Variants in FMNL1 observed in about 807,000 individuals in gnomAD.
FMNL1 encodes formin like 1.
FMNL1 carries 43 observed loss-of-function variants against 121.3 expected under a neutral mutation model. The ratio of observed to expected loss-of-function variants is 0.35; its 90% CI spans 0.28 to 0.46. The LOEUF (loss-of-function observed/expected upper bound fraction) is 0.46, where lower values mean the gene tolerates loss of function less well. Among genes scored for constraint, FMNL1 ranks in the 20% least tolerant of loss-of-function variants. The probability of loss-of-function intolerance (pLI) is 1.00; values close to 1 mark genes in which losing one functional copy is unlikely to be tolerated. For missense variants in FMNL1, 1,191 were observed against 1,482.4 expected (o/e 0.80, Z 3.23); for synonymous variants, 613 against 613.5 (o/e 1.00, Z 0.01).
chr17:45,244,369 G>A, intron 19 of FMNL1, 125 bp downstream of exon 19: 1 of 1,250,558 alleles, frequency 8.0e-7, no homozygotes, highest in Non-Finnish European at 1.1e-6. Context: ...ATGCTGAGAA[G>A]GACAAATCTA....
chr17:45,233,128 G>T lies in FMNL1; in HGVS notation c.328-96G>T. 8.0e-7 allele frequency: 1 copy of T among 1,247,176 alleles called. No individual in the cohort carries two copies. The highest frequency in any genetic ancestry group is 1.3e-5 in the South Asian group (1 of 77,594). 77.3% of individuals were successfully genotyped at this position (1,247,176 alleles called of 1,614,324 possible). A position where few individuals can be genotyped will look rare whatever the true frequency, so the allele number is the denominator to read the frequency against. ...CATGAAAGGCCACTTGTGCCAGTTGGAGGAGGGTGGGCGCTGCTGCCTGCT... is the reference window on the plus strand; with the variant it reads ...CATGAAAGGCCACTTGTGCCAGTTGTAGGAGGGTGGGCGCTGCTGCCTGCT... On this transcript the variant is annotated intron_variant, in intron 3 of 26. Coordinates refer to ENST00000331495, the MANE Select transcript of FMNL1 (RefSeq NM_005892.4). The surrounding 1 kb of genome is among the most constrained non-coding windows in gnomAD (Gnocchi z 4.1).
At chr17:45,232,101 G>A (rs2043451613) in intron 2 of FMNL1, among the ~76,000 whole-genome samples, 1 of 152,148 alleles carries the variant, frequency 6.6e-6, no homozygotes, top group Non-Finnish European at 1.5e-5. Context: ...TTGAGCCCGG[G>A]AGTAGGAGGC....
chr17:45,228,066 G>C (rs913480785), intron 1 of FMNL1, among the ~76,000 whole-genome samples: 15 of 152,266 alleles, frequency 9.9e-5, no homozygotes, highest in Non-Finnish European at 1.3e-4. Flanking sequence ...CCATGGTGCT[G>C]CTGCCTCGCT....
chr17:45,238,636 A>G lies in FMNL1; in HGVS notation c.967A>G (p.Met323Val). The G allele has an allele frequency of 6.2e-7, 1 of 1,614,182 alleles. No homozygotes were observed. Among genetic ancestry groups the G allele is most frequent in the Non-Finnish European group, 8.5e-7 (1 of 1,180,016 alleles). Residue 323 changes from methionine (M) to valine (V), a missense_variant and splice_region_variant, in exon 10 of 27, where the codon ATG (methionine) becomes GTG (valine). Physicochemically the swap from Met to Val is conservative, Grantham distance 21. Coordinates refer to ENST00000331495, the MANE Select transcript of FMNL1 (RefSeq NM_005892.4). ...FRNEDSNIDF[M>V]VACMQFINIV... Reference sequence around the variant, plus strand: ...GAATGAGGACAGCAACATCGACTTCATGGTGAGCTCAGGAGCCCAGCAGCC... The same window carrying G: ...GAATGAGGACAGCAACATCGACTTCGTGGTGAGCTCAGGAGCCCAGCAGCC...
At position 45,247,260 on chromosome 17, in the gene FMNL1, C is replaced by G; in HGVS notation, c.*402C>G. On this transcript the variant is annotated 3_prime_UTR_variant, in exon 27 of 27. Coordinates refer to ENST00000331495, the MANE Select transcript of FMNL1 (RefSeq NM_005892.4). ...TGCACCTCGCCCCCGCAAGCCCCAGCCCCGAGGACCGTCCATGGACCTTAT... is the reference window on the plus strand; with the variant it reads ...TGCACCTCGCCCCCGCAAGCCCCAGGCCCGAGGACCGTCCATGGACCTTAT... The G allele has an allele frequency of 2.2e-6, 1 of 450,852 alleles. No individual in the cohort carries two copies. The highest frequency in any genetic ancestry group is 4.0e-6 in the Non-Finnish European group (1 of 251,582). 27.9% of individuals were successfully genotyped at this position (450,852 alleles called of 1,614,324 possible). A position where few individuals can be genotyped will look rare whatever the true frequency, so the allele number is the denominator to read the frequency against.
At chr17:45,242,242 T>C in intron 15 of FMNL1, 96 bp downstream of exon 15, 1 of 1,573,840 alleles carries the variant, frequency 6.4e-7, no homozygotes, top group Non-Finnish European at 8.6e-7. Context: ...CCTGGGGGCC[T>C]CCTGCTGCCT....
At position 45,240,490 on chromosome 17, in the gene FMNL1, C is replaced by G. The variant is rs144023970; in HGVS notation, c.1095C>G (p.Thr365=). 1.2e-6 allele frequency: 2 copies of G among 1,612,702 alleles called. No individual in the cohort carries two copies. Among genetic ancestry groups the G allele is most frequent in the Non-Finnish European group, 1.7e-6 (2 of 1,179,284 alleles). The part of the protein sequence containing the change: ...LDLYLERLRL[T]ESDKLQVQIQ... ...CTGGGGGACAGAGGCTTCGGCTCACCGAGAGTGACAAGCTGCAGGTGCAGA... is the reference window on the plus strand; with the variant it reads ...CTGGGGGACAGAGGCTTCGGCTCACGGAGAGTGACAAGCTGCAGGTGCAGA... Residue 365 remains threonine, a synonymous_variant, in exon 12 of 27, where the codon ACC becomes ACG. Coordinates refer to ENST00000331495, the MANE Select transcript of FMNL1 (RefSeq NM_005892.4).
At position 45,242,432 on chromosome 17, in the gene FMNL1, C is replaced by G. The variant is rs140249788; in HGVS notation, c.1977C>G (p.Val659=). The G allele has an allele frequency of 1.2e-6, 2 of 1,614,120 alleles. No individual in the cohort carries two copies. Among genetic ancestry groups the G allele is most frequent in the African/African-American group, 2.7e-5 (2 of 75,068 alleles). Residue 659 remains valine, a synonymous_variant, in exon 16 of 27, where the codon GTC becomes GTG. Transcript: ENST00000331495. ...AACCCAGCCAGATCACCGGCACTGTCTTCACAGAGCTCAATGATGAGAAGG... is the reference window on the plus strand; with the variant it reads ...AACCCAGCCAGATCACCGGCACTGTGTTCACAGAGCTCAATGATGAGAAGG... ...ALKPSQITGT[V]FTELNDEKVL...
At chr17:45,224,657 T>TA (rs1462510838) in intron 1 of FMNL1, among the ~76,000 whole-genome samples, 2 of 152,198 alleles carry the variant, frequency 1.3e-5, no homozygotes, top group Non-Finnish European at 2.9e-5. Flanking sequence ...TGTCCCCACT[T>TA]ACAGCCAGAC....
In FMNL1 at chr17:45,241,379, T is replaced by C. The variant is rs1157101693; in HGVS notation, c.1333-3T>C. On this transcript the variant is annotated splice_region_variant and splice_polypyrimidine_tract_variant and intron_variant, in intron 13 of 26. Transcript: ENST00000331495. This position sits in a 1 kb window ranked among gnomAD's most constrained non-coding sequence, Gnocchi z 7.0. ...GCACTGACCCCTCCCGTGGGGTTCGTAGGAGCGCTTCAGCGAATCGACCGC... is the reference window on the plus strand; with the variant it reads ...GCACTGACCCCTCCCGTGGGGTTCGCAGGAGCGCTTCAGCGAATCGACCGC... The C allele has an allele frequency of 1.3e-6, 2 of 1,573,248 alleles. No individual in the cohort carries two copies. The highest frequency in any genetic ancestry group is 1.7e-6 in the Non-Finnish European group (2 of 1,160,040).
intron 17 of FMNL1, 69 bp from the exon 18 acceptor site, chr17:45,243,722 G>T: frequency 7.0e-7 from 1 of 1,426,680 alleles, no homozygotes; most frequent in Non-Finnish European, 9.7e-7. Flanking sequence ...ATCAAGGCAG[G>T]GGTAGCCCTG....
chr17:45,223,644 T>TGAGCA (rs1200977789), intron 1 of FMNL1, among the ~76,000 whole-genome samples: 1 of 152,084 alleles, frequency 6.6e-6, no homozygotes, highest in Non-Finnish European at 1.5e-5. Flanking sequence ...TGAGCTGAGC[T>TGAGCA]GAGCAGATGG....
At chr17:45,232,576 T>C (rs2043461535) in intron 3 of FMNL1, 96 bp downstream of exon 3, 1 of 1,080,718 alleles carries the variant, frequency 9.3e-7, no homozygotes, top group African/African-American at 1.6e-5. Context: ...TCTATGTGCG[T>C]GTGTGGGTGC....
In FMNL1 at chr17:45,241,965, C is replaced by T; in HGVS notation, c.1704C>T (p.Leu568=). ...CTGCGCCCCCACAGGCCCCGCCTCTCCCTGGCAGCCCGGAGCCCCCGCCTG... is the reference window on the plus strand; with the variant it reads ...CTGCGCCCCCACAGGCCCCGCCTCTTCCTGGCAGCCCGGAGCCCCCGCCTG... ...PPSAPPQAPP[L]PGSPEPPPAP... The change falls in exon 15 of 27, where the codon CTC becomes CTT. Residue 568 remains leucine, a synonymous_variant. Transcript: ENST00000331495. This position sits in a 1 kb window ranked among gnomAD's most constrained non-coding sequence, Gnocchi z 7.0. 1 of 1,330,990 alleles carries T rather than the reference C, an allele frequency of 7.5e-7. No homozygotes were observed. The highest frequency in any genetic ancestry group is 9.6e-7 in the Non-Finnish European group (1 of 1,044,116). 82.4% of individuals were successfully genotyped at this position (1,330,990 alleles called of 1,614,324 possible).
rs546485243 is a variant in FMNL1, at chr17:45,222,564, G to A, written c.129+311G>A. Among the ~76,000 whole-genome samples, 4 of 152,080 alleles carry A rather than the reference G, an allele frequency of 2.6e-5. No homozygotes were observed. The South Asian group carries it at 8.3e-4, about 32-fold the overall frequency. ...GAGCGGGGCACGCACAGGGGTCCCG[G>A]GTCGCCCCCTTCCCCACTGCACGCA... On this transcript the variant is annotated intron_variant, in intron 1 of 26. Transcript: ENST00000331495.
At position 45,241,670 on chromosome 17, in the gene FMNL1, C is replaced by T. The variant is rs2043699353; in HGVS notation, c.1585+36C>T. On this transcript the variant is annotated intron_variant, in intron 14 of 26. Coordinates refer to ENST00000331495, the MANE Select transcript of FMNL1 (RefSeq NM_005892.4). This position sits in a 1 kb window ranked among gnomAD's most constrained non-coding sequence, Gnocchi z 7.0. ...GCTTCAGGCTGGCGGGGATGCGGGG[C>T]AGGGTCTGGAGGGGAGCCCAGGGGC... 2 of 1,469,452 alleles carry T rather than the reference C, an allele frequency of 1.4e-6. No individual in the cohort carries two copies. Among genetic ancestry groups the T allele is most frequent in the East Asian group, 2.4e-5 (1 of 41,492 alleles). 91.0% of individuals were successfully genotyped at this position (1,469,452 alleles called of 1,614,324 possible).
In FMNL1 at chr17:45,244,208, C is replaced by T. The variant is rs2043776205; in HGVS notation, c.2481C>T (p.Ser827=). ...QLNAIIAASM[S]IKSSDKLRQI... is the part of the protein sequence containing the mutation. Reference sequence around the variant, plus strand: ...ATGCCATCATTGCAGCCTCAATGTCCATCAAGTCCTCTGACAAACTCCGCC... The same window carrying T: ...ATGCCATCATTGCAGCCTCAATGTCTATCAAGTCCTCTGACAAACTCCGCC... Residue 827 remains serine, a synonymous_variant, in exon 19 of 27, where the codon TCC becomes TCT. Transcript: ENST00000331495. 4 of 1,613,036 alleles carry T rather than the reference C, an allele frequency of 2.5e-6. No individual in the cohort carries two copies. The highest frequency in any genetic ancestry group is 2.2e-5 in the East Asian group (1 of 44,872).
intron 3 of FMNL1, chr17:45,232,774 A>C (rs1457914255): frequency 3.4e-6 from 2 of 586,800 alleles, no homozygotes; most frequent in East Asian, 3.4e-5. Context: ...TGTGTATACT[A>C]TGTGTGTACT....
chr17:45,234,223 T>A lies in FMNL1; in HGVS notation c.614+23T>A, dbSNP rs559226610. On this transcript the variant is annotated intron_variant, in intron 6 of 26. Coordinates refer to ENST00000331495, the MANE Select transcript of FMNL1 (RefSeq NM_005892.4). ...CAAGTATGTGGGCCACAAAGTGGGGTGGTGGGAGAACAGAGAATTCAGCCC... is the reference window on the plus strand; with the variant it reads ...CAAGTATGTGGGCCACAAAGTGGGGAGGTGGGAGAACAGAGAATTCAGCCC... 4 of 1,613,344 alleles carry A rather than the reference T, an allele frequency of 2.5e-6. No individual in the cohort carries two copies. In the South Asian group the frequency reaches 4.4e-5, roughly 18 times the overall value.
Sources: gnomAD v4.1 joint callset for allele counts (sites outside exome capture counted in the v4.1 genomes callset) on GRCh38, gnomAD v4.1.1 for gene constraint, Gnocchi (gnomAD v3.1) non-coding constraint, MANE v1.5 for transcripts, NCBI Gene and HGNC (gene_info 2026-07-23, HGNC 2026-07-21) for gene names.